Variants in IMMP2L observed in about 807,000 individuals in gnomAD.
The protein encoded by IMMP2L is inner mitochondrial membrane peptidase subunit 2.
Under a neutral mutation model 19.3 loss-of-function variants are expected in IMMP2L, and 18 were observed. The observed-to-expected ratio is 0.93, with a 90% CI of 0.64 to 1.38. The LOEUF (loss-of-function observed/expected upper bound fraction) is 1.38, where lower values mean the gene tolerates loss of function less well. Among genes scored for constraint, IMMP2L ranks in the 40% most tolerant of loss-of-function variants. IMMP2L has a pLI of 0.00. For synonymous variants in IMMP2L, 76 were observed against 73.0 expected (o/e 1.04, Z -0.21); for missense variants, 233 against 218.2 (o/e 1.07, Z -0.43).
At chr7:111,023,680 C>T (rs546062028) in intron 3 of IMMP2L, among the ~76,000 whole-genome samples, 7 of 152,274 alleles carry the variant, frequency 4.6e-5, no homozygotes, top group Admixed American at 1.3e-4. Context: ...GCACTCCAGC[C>T]TGGGTAACCA....
intron 4 of IMMP2L, among the ~76,000 whole-genome samples, chr7:110,906,433 A>G (rs1462147558): frequency 6.6e-6 from 1 of 152,204 alleles, no homozygotes; most frequent in African/African-American, 2.4e-5. Context: ...TCCATTTAAG[A>G]CAGCATTTGT....
At chr7:110,971,505 A>G (rs1820139408) in intron 3 of IMMP2L, among the ~76,000 whole-genome samples, 1 of 152,118 alleles carries the variant, frequency 6.6e-6, no homozygotes, top group African/African-American at 2.4e-5. Flanking sequence ...AAAGGTGTCC[A>G]TCAAGGTGCA....
chr7:111,121,022 T>C (rs752466184), intron 3 of IMMP2L, among the ~76,000 whole-genome samples: 4 of 150,844 alleles, frequency 2.7e-5, no homozygotes, highest in Non-Finnish European at 5.9e-5. Context: ...CTAATGAAAA[T>C]ATAACAAATA....
intron 3 of IMMP2L, among the ~76,000 whole-genome samples, chr7:111,119,508 C>T (rs920905915): frequency 1.3e-5 from 2 of 152,142 alleles, no homozygotes; most frequent in Non-Finnish European, 2.9e-5. Flanking sequence ...ATTAACTTTT[C>T]TCTTAAAGTC....
At chr7:111,437,667 C>T (rs766000845) in intron 3 of IMMP2L, among the ~76,000 whole-genome samples, 1 of 151,826 alleles carries the variant, frequency 6.6e-6, no homozygotes, top group South Asian at 2.1e-4. Context: ...GCCATCTGGC[C>T]GCTTTCACCT....
intron 5 of IMMP2L, among the ~76,000 whole-genome samples, chr7:110,831,838 T>C (rs1002918115): frequency 6.6e-5 from 10 of 152,206 alleles, no homozygotes; most frequent in Non-Finnish European, 1.0e-4. Flanking sequence ...AGGTGAAGTC[T>C]AAAGTGTTTA....
intron 5 of IMMP2L, among the ~76,000 whole-genome samples, chr7:110,747,629 CAG>C (rs1370962806): frequency 2.0e-5 from 3 of 152,172 alleles, no homozygotes; most frequent in Non-Finnish European, 4.4e-5. Flanking sequence ...ATGACATAAA[CAG>C]AACCAATGAC....
intron 5 of IMMP2L, among the ~76,000 whole-genome samples, chr7:110,825,596 C>T (rs1420148366): frequency 6.6e-6 from 1 of 152,084 alleles, no homozygotes; most frequent in African/African-American, 2.4e-5. Flanking sequence ...AAAGGATTCC[C>T]TATTTAATAA....
chr7:111,178,919 C>A (rs1364782433), intron 3 of IMMP2L, among the ~76,000 whole-genome samples: 1 of 152,024 alleles, frequency 6.6e-6, no homozygotes, highest in Non-Finnish European at 1.5e-5. Context: ...TGTTCTCATG[C>A]ATCACAAATG....
chr7:111,414,955 C>CT lies in IMMP2L; in HGVS notation c.239+72282dup, dbSNP rs573259899. ...CCCTTCCCCTTGGGGGTGGGTAGGG[C>CT]TTTAAGTATGATAGTTTTCACTCCC... On this transcript the variant is annotated intron_variant, in intron 3 of 5. Coordinates refer to ENST00000405709, the MANE Select transcript of IMMP2L (RefSeq NM_032549.4). Among the ~76,000 whole-genome samples, 189 of 151,840 alleles carry CT rather than the reference C, an allele frequency of 1.2e-3. 1 individual carries two copies. Among genetic ancestry groups the CT allele is most frequent in the Non-Finnish European group, 2.2e-3 (149 of 68,000 alleles).
chr7:110,822,465 T>C (rs1390485600), intron 5 of IMMP2L, among the ~76,000 whole-genome samples: 1 of 152,168 alleles, frequency 6.6e-6, no homozygotes, highest in Admixed American at 6.6e-5. Context: ...AAAATTTCTC[T>C]GCCTGGAATT....
At chr7:110,777,431 A>G (rs995600746) in intron 5 of IMMP2L, among the ~76,000 whole-genome samples, 1 of 151,922 alleles carries the variant, frequency 6.6e-6, no homozygotes, top group African/African-American at 2.4e-5. Context: ...ACTAATGCAT[A>G]TTTCCTACAG....
intron 5 of IMMP2L, among the ~76,000 whole-genome samples, chr7:110,817,302 T>C (rs1802612360): frequency 1.3e-5 from 2 of 152,070 alleles, no homozygotes; most frequent in Non-Finnish European, 2.9e-5. Context: ...ATCACGAGCA[T>C]TCTTATACAC....
chr7:111,533,593 A>G (rs1386901939), intron 1 of IMMP2L, among the ~76,000 whole-genome samples: 1 of 152,190 alleles, frequency 6.6e-6, no homozygotes, highest in Admixed American at 6.5e-5. Flanking sequence ...GTCGACATTC[A>G]TATTGGGAAG....
At chr7:110,927,099 C>T (rs1416928833) in intron 4 of IMMP2L, among the ~76,000 whole-genome samples, 1 of 151,978 alleles carries the variant, frequency 6.6e-6, no homozygotes, top group African/African-American at 2.4e-5. Context: ...TTATTTCTGC[C>T]TGTTGATTTC....
At chr7:111,551,531 T>TGG in intron 1 of IMMP2L, among the ~76,000 whole-genome samples, 1 of 145,922 alleles carries the variant, frequency 6.9e-6, no homozygotes, top group East Asian at 2.0e-4. Flanking sequence ...TGTGTGTGTG[T>TGG]GGTCACTTGC....
chr7:111,005,863 A>T (rs150863756), intron 3 of IMMP2L, among the ~76,000 whole-genome samples: 1 of 152,194 alleles, frequency 6.6e-6, no homozygotes, highest in East Asian at 1.9e-4. Context: ...ATAATCAATC[A>T]TTCTTTCTAG....
At chr7:111,090,912 G>A (rs894390473) in intron 3 of IMMP2L, 15 of 151,656 alleles carry the variant, frequency 9.9e-5, no homozygotes, top group African/African-American at 3.6e-4. Flanking sequence ...CCTCAGAAAG[G>A]AAAAAAAAGA....
intron 3 of IMMP2L, among the ~76,000 whole-genome samples, chr7:111,346,605 T>C (rs1228896401): frequency 6.6e-6 from 1 of 151,994 alleles, no homozygotes; most frequent in East Asian, 1.9e-4. Context: ...TTTTAAAAGA[T>C]CCCTCTGGAA....
Sources: allele counts gnomAD v4.1 joint callset (sites outside exome capture counted in the v4.1 genomes callset), GRCh38; gene constraint gnomAD v4.1.1; transcripts MANE v1.5; gene names NCBI Gene and HGNC (gene_info 2026-07-23, HGNC 2026-07-21).